INPP4B: variants seen among roughly 807,000 people sequenced by gnomAD.
The protein encoded by INPP4B is inositol polyphosphate-4-phosphatase type II B.
A neutral mutation model predicts 122.5 loss-of-function variants in INPP4B; 55 were observed. The observed-to-expected ratio is 0.45, with a 90% CI of 0.36 to 0.56. INPP4B has a LOEUF of 0.56. Among genes scored for constraint, INPP4B ranks in the 20% least tolerant of loss-of-function variants. The pLI, the probability that INPP4B is intolerant of heterozygous loss-of-function variation, is 0.00. For missense variants in INPP4B, 1,000 were observed against 1,097.7 expected, an observed-to-expected ratio of 0.91 and a Z score of 1.26; for synonymous variants, 403 against 388.7, an observed-to-expected ratio of 1.04 and a Z score of -0.43.
intron 23 of INPP4B, among the ~76,000 whole-genome samples, chr4:142,102,184 G>A (rs1285541041): frequency 2.6e-5 from 4 of 152,004 alleles, no homozygotes; most frequent in African/African-American, 9.6e-5. Flanking sequence ...TAAGATTTAA[G>A]ATAAATTGAA....
At chr4:142,218,907 G>C (rs1167046727) in intron 12 of INPP4B, among the ~76,000 whole-genome samples, 1 of 152,162 alleles carries the variant, frequency 6.6e-6, no homozygotes, top group Non-Finnish European at 1.5e-5. Context: ...TTCATAAAGT[G>C]GTTGGGTGAC....
chr4:142,128,695 CCT>C (rs1269396480), intron 18 of INPP4B, among the ~76,000 whole-genome samples: 3 of 152,124 alleles, frequency 2.0e-5, no homozygotes, highest in Non-Finnish European at 2.9e-5. Context: ...CCAAGCACAG[CCT>C]CTGTTTTCCA....
intron 12 of INPP4B, among the ~76,000 whole-genome samples, chr4:142,230,545 G>C (rs1278004586): frequency 6.7e-6 from 1 of 149,346 alleles, no homozygotes; most frequent in Non-Finnish European, 1.5e-5. Context: ...CTTGGAGGTT[G>C]AGGTAGGAGA....
rs74998851 is a variant in INPP4B at position 142,458,978 on chromosome 4, G to A, written c.-127+3685C>T. Among the ~76,000 whole-genome samples the A allele has an allele frequency of 6.2e-3, 948 of 152,284 alleles. 14 individuals carry two copies. The highest frequency in any genetic ancestry group is 0.022 in the African/African-American group (895 of 41,558). ...AGCCTGGCTCCCGACTTTCAGGAAA[G>A]CAGGAACAAAAATTAAGGACTCATT... On this transcript the variant is annotated intron_variant, in intron 3 of 25. Coordinates refer to ENST00000262992, the MANE Select transcript of INPP4B (RefSeq NM_001101669.3).
chr4:142,081,366 C>G (rs1773820253), intron 25 of INPP4B, among the ~76,000 whole-genome samples: 1 of 152,122 alleles, frequency 6.6e-6, no homozygotes, highest in Non-Finnish European at 1.5e-5. Context: ...GCACTTTTTC[C>G]TTCCCATTAC....
chr4:142,630,931 G>T (rs116345486), intron 2 of INPP4B, among the ~76,000 whole-genome samples: 2,056 of 152,220 alleles, frequency 0.014, 36 homozygotes, highest in African/African-American at 0.039. Flanking sequence ...ACCTAGAATT[G>T]AATTGAGGCA....
rs992654738 is a variant in INPP4B at position 142,145,990 on chromosome 4, C to A, written c.1570G>T (p.Val524Leu). ...SDYDEEEWDR[V>L]WANVGKSLNC... ...AGGCTCTTCCCCACATTGGCCCACACCCTGTCCTGAAAAAAGCATGAGTAT... is the reference window on the plus strand; with the variant it reads ...AGGCTCTTCCCCACATTGGCCCACAACCTGTCCTGAAAAAAGCATGAGTAT... The change falls in exon 18 of 26, where the codon GTG (valine) becomes TTG (leucine). Residue 524 changes from valine (V) to leucine (L), a missense_variant. Val to Leu is a conservative substitution (Grantham distance 32, BLOSUM62 1). Transcript: ENST00000262992. The A allele has an allele frequency of 3.7e-6, 6 of 1,611,072 alleles. No homozygotes were observed. The highest frequency in any genetic ancestry group is 5.1e-6 in the Non-Finnish European group (6 of 1,178,378).
chr4:142,840,704 T>C (rs80301733), intron 1 of INPP4B, among the ~76,000 whole-genome samples: 6,234 of 152,222 alleles, frequency 0.041, 139 homozygotes, highest in African/African-American at 0.063. Flanking sequence ...TCAAGGTTTC[T>C]AAGCATTGCA....
chr4:142,326,187 C>A (rs537210781), intron 7 of INPP4B, among the ~76,000 whole-genome samples: 10 of 152,274 alleles, frequency 6.6e-5, no homozygotes, highest in Non-Finnish European at 1.5e-4. Context: ...GGTTTTCTTG[C>A]ACTATGTGTT....
chr4:142,593,061 G>A (rs768805846), intron 2 of INPP4B, among the ~76,000 whole-genome samples: 4 of 151,174 alleles, frequency 2.6e-5, no homozygotes, highest in East Asian at 1.9e-4. Context: ...ACATTATCAC[G>A]CCACTGTACT....
intron 1 of INPP4B, among the ~76,000 whole-genome samples, chr4:142,776,240 G>A (rs35597331): frequency 1.5e-3 from 233 of 152,250 alleles, no homozygotes; most frequent in Non-Finnish European, 2.6e-3. Flanking sequence ...CAAGTTGAGT[G>A]TAGCTCATAG....
intron 23 of INPP4B, among the ~76,000 whole-genome samples, chr4:142,091,923 A>G (rs574712318): frequency 6.6e-6 from 1 of 152,196 alleles, no homozygotes; most frequent in Non-Finnish European, 1.5e-5. Context: ...CCCAGTCCCT[A>G]ATCTACTCAC....
chr4:142,112,633 G>C lies in INPP4B; in HGVS notation c.2185C>G (p.Leu729Val). 3.1e-6 allele frequency: 5 copies of C among 1,613,056 alleles called. No homozygotes were observed. The highest frequency in any genetic ancestry group is 4.2e-6 in the Non-Finnish European group (5 of 1,179,370). ...TGTCCTTCTTTAATCTGTAGAGGTA[G>C]TGACTCAAACATTCTGGCTGGAAGC... ...VKLPARMFES[L>V]PLQIKEGQLL... The change falls in exon 22 of 26, where the codon CTA becomes GTA. Residue 729 changes from leucine to valine, a missense_variant. Physicochemically the swap from Leu to Val is conservative, Grantham distance 32. Coordinates refer to ENST00000262992, the MANE Select transcript of INPP4B (RefSeq NM_001101669.3).
At position 142,230,508 on chromosome 4, in the gene INPP4B, G is replaced by A. The variant is rs115936479; in HGVS notation, c.836+7356C>T. Among the ~76,000 whole-genome samples, 857 of 151,972 alleles carry A rather than the reference G, an allele frequency of 5.6e-3. 9 individuals carry two copies. Among genetic ancestry groups the A allele is most frequent in the African/African-American group, 0.02 (824 of 41,442 alleles). ...TAAAAATACAAAATTATCTGCACGTGGTGGCGCTTGCCTGTAATTCCGGCT... is the reference window on the plus strand; with the variant it reads ...TAAAAATACAAAATTATCTGCACGTAGTGGCGCTTGCCTGTAATTCCGGCT... On this transcript the variant is annotated intron_variant, in intron 12 of 25. Transcript: ENST00000262992.
chr4:142,120,319 CT>C (rs1796044333), intron 21 of INPP4B, among the ~76,000 whole-genome samples: 1 of 151,942 alleles, frequency 6.6e-6, no homozygotes, highest in South Asian at 2.1e-4. Context: ...TGTCTGGGTC[CT>C]TTGCATTTAC....
chr4:142,841,720 A>G (rs891228732), intron 1 of INPP4B, among the ~76,000 whole-genome samples: 14 of 152,050 alleles, frequency 9.2e-5, no homozygotes, highest in Admixed American at 9.2e-4. Context: ...TAAATGATCT[A>G]TTATAAACAA....
chr4:142,226,846 A>G (rs1394132997), intron 12 of INPP4B, among the ~76,000 whole-genome samples: 1 of 152,228 alleles, frequency 6.6e-6, no homozygotes, highest in Non-Finnish European at 1.5e-5. Flanking sequence ...AAATAAAAAC[A>G]AAAGGACATG....
intron 25 of INPP4B, among the ~76,000 whole-genome samples, chr4:142,044,087 G>GAA (rs1749870001): frequency 6.6e-6 from 1 of 151,522 alleles, no homozygotes; most frequent in African/African-American, 2.4e-5. Flanking sequence ...AGATCAGAAA[G>GAA]AAAAAATTTA....
chr4:142,124,479 G>T, intron 19 of INPP4B, 109 bp downstream of exon 19: 1 of 1,002,662 alleles, frequency 1.0e-6, no homozygotes, highest in Non-Finnish European at 1.5e-6. Context: ...AAAACTTTAA[G>T]GATCTTTTTA....
Sources: gnomAD v4.1 joint callset for allele counts (sites outside exome capture counted in the v4.1 genomes callset) on GRCh38, gnomAD v4.1.1 for gene constraint, MANE v1.5 for transcripts, NCBI Gene and HGNC (gene_info 2026-07-23, HGNC 2026-07-21) for gene names.